SLC2A1: variants seen among roughly 807,000 people sequenced by gnomAD.
SLC2A1 encodes solute carrier family 2, facilitated glucose transporter member 1.
In SLC2A1, 4 loss-of-function variants were observed where a neutral mutation model predicts 46.6. The ratio of observed to expected loss-of-function variants is 0.09; its 90% CI spans 0.04 to 0.20. SLC2A1 has a LOEUF of 0.20. SLC2A1 is among the 10% of genes least tolerant of loss of function. The pLI is 1.00. For synonymous variants in SLC2A1, 253 were observed against 270.0 expected, an observed-to-expected ratio of 0.94 and a Z score of 0.62; for missense variants, 352 against 667.0, an observed-to-expected ratio of 0.53 and a Z score of 5.20.
chr1:42,933,817 A>C (rs1643516046), intron 2 of SLC2A1, among the ~76,000 whole-genome samples: 1 of 152,062 alleles, frequency 6.6e-6, no homozygotes, highest in African/African-American at 2.4e-5. Context: ...TGCTCTCCTG[A>C]GCAACCAGAC....
chr1:42,943,054 C>G (rs1245423220), intron 2 of SLC2A1, 172 bp downstream of exon 2: 1 of 656,418 alleles, frequency 1.5e-6, no homozygotes, highest in African/African-American at 1.8e-5. Flanking sequence ...GATTCCAAAG[C>G]AAGAGAAGAG....
intron 2 of SLC2A1, among the ~76,000 whole-genome samples, chr1:42,942,321 T>C (rs1011181144): frequency 3.3e-5 from 5 of 152,164 alleles, no homozygotes; most frequent in African/African-American, 1.2e-4. Flanking sequence ...GTCTACAAAA[T>C]GGAAATCACC....
rs147623907 is a variant in SLC2A1, at chr1:42,957,005, T to C, written c.18+1629A>G. Among the ~76,000 whole-genome samples the C allele has an allele frequency of 7.2e-5, 11 of 152,340 alleles. No homozygotes were observed. In the East Asian group the frequency reaches 2.1e-3, roughly 29 times the overall value. ...GGCTAAGAACCTGCTGATTTTCTCC[T>C]CCACTTTTCTGTCTCCACGTAGTAT... On this transcript the variant is annotated intron_variant, in intron 1 of 9. Coordinates refer to ENST00000426263, the MANE Select transcript of SLC2A1 (RefSeq NM_006516.4).
At position 42,929,402 on chromosome 1, in the gene SLC2A1, G is replaced by A. The variant is rs772469328; in HGVS notation, c.868-88C>T. ...GCAGTGGATGTGGGACCCAGGATGA[G>A]TAAAGAATGAAGGGGACAAATACTC... On this transcript the variant is annotated intron_variant, in intron 6 of 9. Transcript: ENST00000426263. This position sits in a 1 kb window ranked among gnomAD's most constrained non-coding sequence, Gnocchi z 6.0. 5.3e-4 allele frequency: 639 copies of A among 1,196,464 alleles called. No homozygotes were observed. Among genetic ancestry groups the A allele is most frequent in the Non-Finnish European group, 5.6e-4 (458 of 819,534 alleles). 74.1% of individuals were successfully genotyped at this position (1,196,464 alleles called of 1,614,324 possible).
intron 2 of SLC2A1, among the ~76,000 whole-genome samples, chr1:42,940,468 C>T (rs1302585659): frequency 6.6e-6 from 1 of 152,234 alleles, no homozygotes; most frequent in Non-Finnish European, 1.5e-5. Context: ...AATACCCTGG[C>T]CCTTCGATGG....
intron 2 of SLC2A1, among the ~76,000 whole-genome samples, chr1:42,937,313 A>G (rs1385585534): frequency 6.6e-6 from 1 of 152,220 alleles, no homozygotes; most frequent in Non-Finnish European, 1.5e-5. Context: ...CAAGCCATGA[A>G]TCTAACTGAA....
intron 1 of SLC2A1, among the ~76,000 whole-genome samples, 179 bp downstream of exon 1, chr1:42,958,455 G>T (rs927169858): frequency 6.6e-6 from 1 of 150,526 alleles, no homozygotes; most frequent in Non-Finnish European, 1.5e-5. Context: ...CCCCACTGCG[G>T]CCAGCGGCCC....
chr1:42,944,243 A>G (rs1278029349), intron 1 of SLC2A1, among the ~76,000 whole-genome samples: 1 of 152,200 alleles, frequency 6.6e-6, no homozygotes, highest in East Asian at 1.9e-4. Flanking sequence ...GGCAGCAGGA[A>G]GGGCAGAGGC....
rs377674001 is a variant in SLC2A1 at position 42,930,009 on chromosome 1, G to A, written c.543C>T (p.Gly181=). The A allele has an allele frequency of 7.2e-5, 116 of 1,614,038 alleles. No homozygotes were observed. Among genetic ancestry groups the A allele is most frequent in the Non-Finnish European group, 2.4e-5 (28 of 1,180,030 alleles). ...AQVFGLDSIM[G]NKDLWPLLLS... The stretch of plus-strand genomic sequence containing the variant: ...GCAGCAGGGGCCACAGGTCCTTGTT[G>A]CCCATGATGGAGTCCAGGCCGAACA... Residue 181 remains glycine (G), a synonymous_variant, in exon 5 of 10, where the codon GGC becomes GGT. Transcript: ENST00000426263. This position sits in a 1 kb window ranked among gnomAD's most constrained non-coding sequence, Gnocchi z 6.2.
At position 42,927,827 on chromosome 1, in the gene SLC2A1, AG is replaced by A; in HGVS notation, c.1075-20del. 1.3e-6 allele frequency: 2 copies of A among 1,591,814 alleles called. No individual in the cohort carries two copies. The highest frequency in any genetic ancestry group is 8.6e-7 in the Non-Finnish European group (1 of 1,164,794). On this transcript the variant is annotated intron_variant, in intron 8 of 9. Coordinates refer to ENST00000426263, the MANE Select transcript of SLC2A1 (RefSeq NM_006516.4). This position sits in a 1 kb window ranked among gnomAD's most constrained non-coding sequence, Gnocchi z 5.3. The stretch of plus-strand genomic sequence containing the variant: ...GCTGCTCCTGTTGAGGATGACGGAG[AG>A]GGGGAAAAGTTAGACTGGGTTGTGA...
rs888689911 is a variant in SLC2A1 at position 42,943,139 on chromosome 1, T to C, written c.114+87A>G. Reference sequence around the variant, plus strand: ...AGTGCGTTCATATAAATGACTCTAATTCAGGTGGTGGCGTGAGACTGTGGG... The same window carrying C: ...AGTGCGTTCATATAAATGACTCTAACTCAGGTGGTGGCGTGAGACTGTGGG... On this transcript the variant is annotated intron_variant, in intron 2 of 9. Coordinates refer to ENST00000426263, the MANE Select transcript of SLC2A1 (RefSeq NM_006516.4). 17 of 884,206 alleles carry C rather than the reference T, an allele frequency of 1.9e-5. No homozygotes were observed. In the African/African-American group the frequency reaches 2.6e-4, roughly 14 times the overall value. The allele number at this position is 884,206 out of a possible 1,614,324, so 54.8% of individuals were successfully genotyped here.
intron 2 of SLC2A1, among the ~76,000 whole-genome samples, chr1:42,931,912 C>T (rs986110210): frequency 2.0e-5 from 3 of 152,074 alleles, no homozygotes; most frequent in Admixed American, 1.3e-4. Context: ...CTCAAAGCCC[C>T]AGGGGCCCAT....
chr1:42,931,216 G>A lies in SLC2A1; in HGVS notation c.115-10C>T. ...AGAACTCCTCGATCACCTGCAGGGG[G>A]AGATGCAGCCTGGGTGAGCAAGCCA... On this transcript the variant is annotated splice_polypyrimidine_tract_variant and intron_variant, in intron 2 of 9. Coordinates refer to ENST00000426263, the MANE Select transcript of SLC2A1 (RefSeq NM_006516.4). 1 of 1,612,880 alleles carries A rather than the reference G, an allele frequency of 6.2e-7. No individual in the cohort carries two copies. Among genetic ancestry groups the A allele is most frequent in the Non-Finnish European group, 8.5e-7 (1 of 1,178,964 alleles).
intron 1 of SLC2A1, among the ~76,000 whole-genome samples, chr1:42,945,459 G>A (rs1361409807): frequency 6.6e-6 from 1 of 151,966 alleles, no homozygotes; most frequent in Admixed American, 6.5e-5. Context: ...GGGGTAGGGG[G>A]AGAATATACA....
Position 42,926,732 on chromosome 1 carries a change from T to C in SLC2A1, c.*309A>G, listed in dbSNP as rs1643430452. The C allele has an allele frequency of 7.2e-7, 1 of 1,384,266 alleles. No homozygotes were observed. The highest frequency in any genetic ancestry group is 1.4e-5 in the African/African-American group (1 of 69,576). 85.7% of individuals were successfully genotyped at this position (1,384,266 alleles called of 1,614,324 possible). A position where few individuals can be genotyped will look rare whatever the true frequency, so the allele number is the denominator to read the frequency against. The stretch of plus-strand genomic sequence containing the variant: ...GTCTCCACCCTCAGGCATGGAACCA[T>C]TCAGGGTGAAGCCTGGGATGTGGGC... On this transcript the variant is annotated 3_prime_UTR_variant, in exon 10 of 10. Coordinates refer to ENST00000426263, the MANE Select transcript of SLC2A1 (RefSeq NM_006516.4).
chr1:42,927,862 CAG>C lies in SLC2A1; in HGVS notation c.1075-56_1075-55del. 2.2e-6 allele frequency: 3 copies of C among 1,357,520 alleles called. No individual in the cohort carries two copies. The highest frequency in any genetic ancestry group is 2.1e-6 in the Non-Finnish European group (2 of 967,534). The allele number at this position is 1,357,520 out of a possible 1,614,324, so 84.1% of individuals were successfully genotyped here. ...GTTAGACTGGGTTGTGATGGATCCT[CAG>C]GGGAAACAGAAGCTACAGAGGCCAG... On this transcript the variant is annotated intron_variant, in intron 8 of 9. Transcript: ENST00000426263. The surrounding 1 kb of genome is among the most constrained non-coding windows in gnomAD (Gnocchi z 5.3).
intron 1 of SLC2A1, among the ~76,000 whole-genome samples, chr1:42,956,234 A>G (rs1186695130): frequency 6.6e-6 from 1 of 152,142 alleles, no homozygotes; most frequent in Non-Finnish European, 1.5e-5. Context: ...ATCTGTTAGT[A>G]TCAAACTGCA....
Position 42,927,057 on chromosome 1 carries a change from GC to G in SLC2A1, c.1462del (p.Ala488LeufsTer20). On this transcript the variant is annotated frameshift_variant, in exon 10 of 10. Transcript: ENST00000426263. LOFTEE classifies it high-confidence loss of function. This position sits in a 1 kb window ranked among gnomAD's most constrained non-coding sequence, Gnocchi z 5.3. ...TGGGGCGACTCACACTTGGGAATCA[GC>G]CCCCAGGGGATGGAACAGCTCCTCG... The part of the protein sequence containing the change: ...TPEELFHPLG[A>X]DSQV 6.2e-7 allele frequency: 1 copy of G among 1,614,020 alleles called. No individual in the cohort carries two copies. The highest frequency in any genetic ancestry group is 2.2e-5 in the East Asian group (1 of 44,872).
rs543043766 is a variant in SLC2A1 at position 42,955,406 on chromosome 1, C to G, written c.18+3228G>C. ...GGCGGATCACCTGAGCTCAAGAGTT[C>G]GAGACCAGCCTGGGCAACATGGCGA... On this transcript the variant is annotated intron_variant, in intron 1 of 9. Coordinates refer to ENST00000426263, the MANE Select transcript of SLC2A1 (RefSeq NM_006516.4). Among the ~76,000 whole-genome samples the G allele has an allele frequency of 1.3e-5, 2 of 152,080 alleles. 1 individual carries two copies. Among genetic ancestry groups the G allele is most frequent in the Non-Finnish European group, 2.9e-5 (2 of 68,026 alleles).
Sources: gnomAD v4.1 joint callset for allele counts (sites outside exome capture counted in the v4.1 genomes callset) on GRCh38, gnomAD v4.1.1 for gene constraint, Gnocchi (gnomAD v3.1) non-coding constraint, MANE v1.5 for transcripts, NCBI Gene and HGNC (gene_info 2026-07-23, HGNC 2026-07-21) for gene names.